DKK3: variants seen among roughly 807,000 people sequenced by gnomAD.
The protein encoded by DKK3 is dickkopf Wnt signaling pathway inhibitor 3, also known as dickkopf-related protein 3.
In DKK3, 22 loss-of-function variants were observed where a neutral mutation model predicts 33.2. That is an observed-to-expected ratio of 0.66 (90% CI 0.47 to 0.95). DKK3 has a LOEUF of 0.95. Ranked by LOEUF, DKK3 falls within the 40% of genes least tolerant of loss-of-function variation. The pLI, the probability that DKK3 is intolerant of heterozygous loss-of-function variation, is 0.00. For missense variants in DKK3, 398 were observed against 458.4 expected, an observed-to-expected ratio of 0.87 and a Z score of 1.20; for synonymous variants, 194 against 188.8, an observed-to-expected ratio of 1.03 and a Z score of -0.23.
intron 4 of DKK3, 99 bp downstream of exon 4, chr11:11,968,296 C>T: frequency 8.7e-7 from 1 of 1,143,516 alleles, no homozygotes; most frequent in South Asian, 1.5e-5. Context: ...TGGTGAGGCT[C>T]TTCTGGGAAG....
chr11:12,009,478 C>T (rs1848614865), upstream of DKK3: 2 of 915,866 alleles, frequency 2.2e-6, no homozygotes, highest in African/African-American at 1.8e-5. Context: ...CCACGCCCCA[C>T]GCCCTCCTCT....
chr11:11,972,626 C>G (rs1382423412), intron 3 of DKK3, among the ~76,000 whole-genome samples: 1 of 152,212 alleles, frequency 6.6e-6, no homozygotes, highest in Non-Finnish European at 1.5e-5. Flanking sequence ...AGGTCAGGCC[C>G]TCTACCCTTA....
intron 4 of DKK3, 118 bp from the exon 5 acceptor site, chr11:11,967,216 C>A: frequency 7.9e-7 from 1 of 1,269,848 alleles, no homozygotes; most frequent in South Asian, 1.5e-5. Flanking sequence ...TAGAGACAGG[C>A]AGACCAGGCT....
chr11:11,965,121 A>G (rs1847556824), intron 6 of DKK3, among the ~76,000 whole-genome samples: 1 of 152,172 alleles, frequency 6.6e-6, no homozygotes, highest in Non-Finnish European at 1.5e-5. Context: ...TTTTTTAAAA[A>G]AAATTAATGT....
chr11:11,976,279 C>T (rs545209882), intron 3 of DKK3, among the ~76,000 whole-genome samples: 1 of 152,342 alleles, frequency 6.6e-6, no homozygotes, highest in African/African-American at 2.4e-5. Flanking sequence ...AGGACAGTTG[C>T]AATGGAACCA....
intron 3 of DKK3, among the ~76,000 whole-genome samples, chr11:11,970,712 A>C (rs970326008): frequency 1.3e-5 from 2 of 152,222 alleles, no homozygotes; most frequent in Admixed American, 1.3e-4. Flanking sequence ...TGTCAGAGTG[A>C]TATCATGCCA....
At chr11:11,964,993 C>T (rs1214063492) in intron 6 of DKK3, among the ~76,000 whole-genome samples, 2 of 152,212 alleles carry the variant, frequency 1.3e-5, no homozygotes, top group Admixed American at 6.5e-5. Context: ...GCACCACAGC[C>T]CCTCAAAGAC....
chr11:11,999,063 G>A (rs1338917146), intron 2 of DKK3, among the ~76,000 whole-genome samples: 1 of 152,102 alleles, frequency 6.6e-6, no homozygotes, highest in Non-Finnish European at 1.5e-5. Flanking sequence ...CCAACACCCA[G>A]CAAAACGCTC....
In DKK3 at chr11:11,974,540, G is replaced by T. The variant is rs552133365; in HGVS notation, c.436-6053C>A. 6.6e-5 allele frequency among the ~76,000 whole-genome samples: 10 copies of T among 152,124 alleles called. No individual in the cohort carries two copies. The South Asian group carries it at 1.9e-3, about 28-fold the overall frequency. On this transcript the variant is annotated intron_variant, in intron 3 of 6. Transcript: ENST00000683431. Reference sequence around the variant, plus strand: ...GGCAAGAGAAAAGGGGACCAAACTTGCCCTTTTATAAGAAACCAACTCCCA... The same window carrying T: ...GGCAAGAGAAAAGGGGACCAAACTTTCCCTTTTATAAGAAACCAACTCCCA...
intron 3 of DKK3, among the ~76,000 whole-genome samples, chr11:11,978,272 G>A (rs1847877476): frequency 6.6e-6 from 1 of 152,122 alleles, no homozygotes; most frequent in African/African-American, 2.4e-5. Context: ...CAGGGTGCCT[G>A]CTCCTGACCC....
intron 3 of DKK3, among the ~76,000 whole-genome samples, chr11:11,977,327 C>CAG (rs1847854739): frequency 6.6e-6 from 1 of 152,042 alleles, no homozygotes; most frequent in South Asian, 2.1e-4. Context: ...ACCTCCAGAG[C>CAG]TCCTCTGGGA....
chr11:11,999,214 T>C (rs965916335), intron 2 of DKK3, among the ~76,000 whole-genome samples: 2 of 152,244 alleles, frequency 1.3e-5, no homozygotes, highest in Non-Finnish European at 2.9e-5. Flanking sequence ...CTAGCAGCCC[T>C]ACCTGATTCT....
chr11:11,993,252 C>G (rs935754795), intron 3 of DKK3, among the ~76,000 whole-genome samples: 2 of 152,090 alleles, frequency 1.3e-5, no homozygotes, highest in African/African-American at 4.8e-5. Flanking sequence ...CTGGAAAGAT[C>G]TACTAATGAT....
At chr11:12,004,307 G>C (rs1848494076) in intron 1 of DKK3, among the ~76,000 whole-genome samples, 1 of 152,138 alleles carries the variant, frequency 6.6e-6, no homozygotes, top group Admixed American at 6.5e-5. Flanking sequence ...CTCCGTTCCA[G>C]GCAATAGGGA....
Position 11,964,520 on chromosome 11 carries a change from C to A in DKK3, c.997G>T (p.Ala333Ser). The A allele has an allele frequency of 6.2e-7, 1 of 1,613,972 alleles. No individual in the cohort carries two copies. Among genetic ancestry groups the A allele is most frequent in the Non-Finnish European group, 8.5e-7 (1 of 1,180,018 alleles). ...DLERSLTEEM[A>S]LREPAAAAAA... ...GCGGCAGCCGCAGGCTCCCTCAGCG[C>A]CATCTCTTCAGTCAGGCTCCTCTCC... The change falls in exon 7 of 7, where the codon GCG becomes TCG. Residue 333 changes from alanine to serine, a missense_variant. By Grantham distance (99) the Ala-to-Ser change is moderately conservative (BLOSUM62 1). Transcript: ENST00000683431.
At chr11:11,984,085 G>C (rs1319735502) in intron 3 of DKK3, among the ~76,000 whole-genome samples, 1 of 152,240 alleles carries the variant, frequency 6.6e-6, no homozygotes, top group Non-Finnish European at 1.5e-5. Context: ...AGGTCCCAGT[G>C]TGGACACTGG....
intron 3 of DKK3, among the ~76,000 whole-genome samples, chr11:11,984,522 C>G (rs755833053): frequency 6.6e-6 from 1 of 152,132 alleles, no homozygotes; most frequent in African/African-American, 2.4e-5. Flanking sequence ...AAACGCATTA[C>G]TTTTCCCATG....
chr11:11,964,774 A>G (rs752126438), intron 6 of DKK3, 88 bp from the exon 7 acceptor site: 2 of 1,537,448 alleles, frequency 1.3e-6, no homozygotes, highest in South Asian at 2.4e-5. Flanking sequence ...TGGGGCTCCC[A>G]GCCTCACCTT....
chr11:11,986,199 C>T (rs1205608324), intron 3 of DKK3, among the ~76,000 whole-genome samples: 1 of 152,152 alleles, frequency 6.6e-6, no homozygotes, highest in Admixed American at 6.5e-5. Flanking sequence ...TTTGTTCCTG[C>T]CTCCTTTCTG....
Sources: gnomAD v4.1 joint callset for allele counts (sites outside exome capture counted in the v4.1 genomes callset) on GRCh38, gnomAD v4.1.1 for gene constraint, MANE v1.5 for transcripts, NCBI Gene and HGNC (gene_info 2026-07-23, HGNC 2026-07-21) for gene names.